CEP131: variants seen among roughly 807,000 people sequenced by gnomAD.
CEP131 encodes centrosomal protein of 131 kDa.
Under a neutral mutation model 136.8 loss-of-function variants are expected in CEP131, and 99 were observed. The ratio of observed to expected loss-of-function variants is 0.72; its 90% CI spans 0.62 to 0.86. The LOEUF (loss-of-function observed/expected upper bound fraction) is 0.86, where lower values mean the gene tolerates loss of function less well. CEP131 is among the 40% of genes least tolerant of loss of function. CEP131 has a pLI of 0.00. For missense variants in CEP131, 1,459 were observed against 1,463.0 expected (o/e 1.00, Z 0.04); for synonymous variants, 646 against 612.7 (o/e 1.05, Z -0.80).
chr17:81,208,809 G>A lies in CEP131; in HGVS notation c.272+119C>T. ...CACTCCAGGCCTCACTAGCCAGCAA[G>A]GGCCCGGGACCCAGGAGGCTGGAGG... On this transcript the variant is annotated intron_variant, in intron 3 of 25. Coordinates refer to ENST00000450824, the MANE Select transcript of CEP131 (RefSeq NM_014984.4). The surrounding 1 kb of genome is among the most constrained non-coding windows in gnomAD (Gnocchi z 5.6). 1 of 769,638 alleles carries A rather than the reference G, an allele frequency of 1.3e-6. No homozygotes were observed. Among genetic ancestry groups the A allele is most frequent in the Non-Finnish European group, 2.1e-6 (1 of 477,018 alleles). The allele number at this position is 769,638 out of a possible 1,614,324, so 47.7% of individuals were successfully genotyped here.
rs1402008075 is a variant in CEP131 at position 81,199,446 on chromosome 17, G to C, written c.1127C>G (p.Pro376Arg). ...TGGTGTGGGGGACAGCTCCTGAGCA[G>C]GCTGCCGCATTCCTGGCACTCTGGT... ...RETRVPGMRQ[P>R]AQELSPTPGG... The change falls in exon 10 of 26, where the codon CCT becomes CGT. Residue 376 changes from proline to arginine, a missense_variant. This residue lies in a region of CEP131 where 1,026 missense variants were observed against 964.2 expected (regional missense o/e 1.06). Coordinates refer to ENST00000450824, the MANE Select transcript of CEP131 (RefSeq NM_014984.4). The C allele has an allele frequency of 6.2e-7, 1 of 1,608,104 alleles. No individual in the cohort carries two copies. Among genetic ancestry groups the C allele is most frequent in the Non-Finnish European group, 8.5e-7 (1 of 1,178,048 alleles).
In CEP131 at chr17:81,199,751, TCTC is replaced by T. The variant is rs1192779326; in HGVS notation, c.988_990del (p.Glu330del). On this transcript the variant is annotated inframe_deletion, in exon 9 of 26. Transcript: ENST00000450824. ...GCTGCTCGCCTGGCTTGGCGTGCCTTCTCCTCCCGGGCCTTCCTCCTGGCTGCC... is the reference window on the plus strand; with the variant it reads ...GCTGCTCGCCTGGCTTGGCGTGCCTTCTCCCGGGCCTTCCTCCTGGCTGCC... 2 of 1,610,808 alleles carry T rather than the reference TCTC, an allele frequency of 1.2e-6. No individual in the cohort carries two copies. Among genetic ancestry groups the T allele is most frequent in the East Asian group, 2.2e-5 (1 of 44,862 alleles).
chr17:81,199,914 C>T (rs1278719146), intron 8 of CEP131, 79 bp from the exon 9 acceptor site: 26 of 1,411,396 alleles, frequency 1.8e-5, no homozygotes, highest in East Asian at 1.4e-4. Flanking sequence ...TTCCCCACAA[C>T]GCCCTGGAGT....
chr17:81,207,646 G>A (rs1598304480), intron 3 of CEP131, among the ~76,000 whole-genome samples: 1 of 151,314 alleles, frequency 6.6e-6, no homozygotes, highest in Admixed American at 6.6e-5. Context: ...CTGCACACCC[G>A]GCTGCCCACC....
At position 81,198,966 on chromosome 17, in the gene CEP131, C is replaced by T; in HGVS notation, c.1198G>A (p.Gly400Ser). The change falls in exon 11 of 26, where the codon GGC becomes AGC. Residue 400 changes from glycine to serine, a missense_variant. Transcript: ENST00000450824. Reference protein sequence around the residue: ...QALKANNTGGGLPAAGPGDRC... With the variant: ...QALKANNTGGSLPAAGPGDRC... ...TCTCCGGGGCCTGCAGCAGGGAGGC[C>T]ACCACCTGCACAGCAGAACACAGCA... The T allele has an allele frequency of 6.4e-7, 1 of 1,562,666 alleles. No homozygotes were observed. Among genetic ancestry groups the T allele is most frequent in the Non-Finnish European group, 8.6e-7 (1 of 1,156,700 alleles).
intron 2 of CEP131, among the ~76,000 whole-genome samples, chr17:81,216,034 A>G (rs1468358630): frequency 6.6e-6 from 1 of 151,898 alleles, no homozygotes; most frequent in African/African-American, 2.4e-5. Flanking sequence ...AGGACCAGCA[A>G]CCTAGTGAGA....
At chr17:81,212,260 TG>T in intron 2 of CEP131, among the ~76,000 whole-genome samples, 1 of 148,492 alleles carries the variant, frequency 6.7e-6, no homozygotes, top group Non-Finnish European at 1.5e-5. Context: ...AGGCGGAGGT[TG>T]CAGTGAGCCG....
In CEP131 at chr17:81,208,018, ACCACACAC is replaced by A. The variant is rs1455029845; in HGVS notation, c.273-787_273-780del. ...CACACCCCAGACACACACCACTCAC[ACCACACAC>A]CCACACACCACACACCCCCCACACA... On this transcript the variant is annotated intron_variant, in intron 3 of 25. Transcript: ENST00000450824. This position sits in a 1 kb window ranked among gnomAD's most constrained non-coding sequence, Gnocchi z 5.6. 2.1e-5 allele frequency among the ~76,000 whole-genome samples: 2 copies of A among 95,488 alleles called. No homozygotes were observed. The highest frequency in any genetic ancestry group is 3.7e-5 in the African/African-American group (1 of 27,154). The allele number at this position is 95,488 out of a possible 152,430, so 62.6% of individuals were successfully genotyped here.
Position 81,196,803 on chromosome 17 carries a change from G to C in CEP131, c.1797C>G (p.Ala599=). 6.3e-7 allele frequency: 1 copy of C among 1,592,620 alleles called. No individual in the cohort carries two copies. Among genetic ancestry groups the C allele is most frequent in the Non-Finnish European group, 8.5e-7 (1 of 1,171,038 alleles). The change falls in exon 15 of 26, where the codon GCC becomes GCG. Residue 599 remains alanine (A), a synonymous_variant. Coordinates refer to ENST00000450824, the MANE Select transcript of CEP131 (RefSeq NM_014984.4). ...RALAQQRDLT[A]RRVKETEKAL... Reference sequence around the variant, plus strand: ...CCTTCTCTGTCTCCTTGACCCGCCGGGCCGTGAGGTCTCGCTGCTGCGCCT... The same window carrying C: ...CCTTCTCTGTCTCCTTGACCCGCCGCGCCGTGAGGTCTCGCTGCTGCGCCT...
In CEP131 at chr17:81,198,124, C is replaced by G. The variant is rs780778624; in HGVS notation, c.1461G>C (p.Trp487Cys). The G allele has an allele frequency of 1.1e-4, 177 of 1,564,940 alleles. 1 individual carries two copies. In the South Asian group the frequency reaches 1.2e-3, roughly 11 times the overall value. ...PRTHHRGRYA[W>C]ASEEDDASSL... is the part of the protein sequence containing the mutation. ...CGCACACCGTGGTCACCTCGCTGGC[C>G]CAGGCGTATCTGCCCCTGTGATGGG... The change falls in exon 12 of 26, where the codon TGG becomes TGC. Residue 487 changes from tryptophan (W) to cysteine (C), a missense_variant. Transcript: ENST00000450824.
rs1179195394 is a variant in CEP131, at chr17:81,189,725, G to C, written c.*44C>G. Reference sequence around the variant, plus strand: ...GCCTCTGGGCCCACGTCCAGCCTCTGTCCTCTGCCTTCCGTTCTTCGACAG... The same window carrying C: ...GCCTCTGGGCCCACGTCCAGCCTCTCTCCTCTGCCTTCCGTTCTTCGACAG... On this transcript the variant is annotated 3_prime_UTR_variant, in exon 26 of 26. Transcript: ENST00000450824. 6 of 1,550,966 alleles carry C rather than the reference G, an allele frequency of 3.9e-6. No homozygotes were observed. The highest frequency in any genetic ancestry group is 5.2e-6 in the Non-Finnish European group (6 of 1,144,836).
rs560063768 is a variant in CEP131, at chr17:81,214,188, G to A, written c.178-5166C>T. ...TATTCAAATAGCAGAGACTGGGTGC[G>A]GTACAGGGGAACACCCTGCACTTTC... is the stretch of plus-strand genomic sequence containing the variant. On this transcript the variant is annotated intron_variant, in intron 2 of 25. Coordinates refer to ENST00000450824, the MANE Select transcript of CEP131 (RefSeq NM_014984.4). Among the ~76,000 whole-genome samples the A allele has an allele frequency of 2.8e-4, 42 of 152,278 alleles. 1 individual carries two copies. The highest frequency in any genetic ancestry group is 3.4e-4 in the African/African-American group (14 of 41,560).
intron 7 of CEP131, among the ~76,000 whole-genome samples, chr17:81,201,227 C>T (rs1406647802): frequency 6.6e-6 from 1 of 152,212 alleles, no homozygotes. Flanking sequence ...GGGTTGCGGG[C>T]TTCTGGTCCC....
chr17:81,205,286 C>T (rs2146622899), intron 5 of CEP131, among the ~76,000 whole-genome samples: 1 of 150,020 alleles, frequency 6.7e-6, no homozygotes, highest in East Asian at 2.0e-4. Flanking sequence ...AACAAAAAAA[C>T]ACCAGAAGAA....
intron 12 of CEP131, 109 bp from the exon 13 acceptor site, chr17:81,197,997 A>G (rs2061803012): frequency 2.0e-6 from 3 of 1,505,026 alleles, no homozygotes; most frequent in Non-Finnish European, 2.7e-6. Context: ...GAGGGTTGTG[A>G]CTAAAGCCAG....
chr17:81,198,391 G>A (rs1052250711), intron 11 of CEP131, 94 bp from the exon 12 acceptor site: 77 of 1,313,850 alleles, frequency 5.9e-5, no homozygotes, highest in Non-Finnish European at 7.0e-5. Context: ...CAAAGGCGCC[G>A]CGGGAGCTCC....
chr17:81,200,542 G>A (rs2061869027), intron 7 of CEP131, 96 bp from the exon 8 acceptor site: 1 of 901,790 alleles, frequency 1.1e-6, no homozygotes, highest in Middle Eastern at 3.3e-4. Context: ...GAAGAGAGAA[G>A]CCGGCGGCTG....
At chr17:81,205,404 TGGGTGG>T (rs1440791826) in intron 5 of CEP131, among the ~76,000 whole-genome samples, 2 of 55,066 alleles carry the variant, frequency 3.6e-5, no homozygotes, top group African/African-American at 1.7e-4. Context: ...AGCGGGGCAG[TGGGTGG>T]GGGGTAGGAG....
At chr17:81,199,052 C>A in intron 10 of CEP131, 81 bp from the exon 11 acceptor site, 2 of 1,338,866 alleles carry the variant, frequency 1.5e-6, no homozygotes, top group Non-Finnish European at 9.9e-7. Context: ...CGGGAAGGAG[C>A]CAGGCATGGG....
Sources: allele counts gnomAD v4.1 joint callset (sites outside exome capture counted in the v4.1 genomes callset), GRCh38; gene constraint gnomAD v4.1.1; regional missense constraint gnomAD v4.1.1; non-coding constraint Gnocchi (gnomAD v3.1); transcripts MANE v1.5; gene names NCBI Gene and HGNC (gene_info 2026-07-23, HGNC 2026-07-21).